EPS8L2: variants seen among roughly 807,000 people sequenced by gnomAD.
EPS8L2 encodes epidermal growth factor receptor kinase substrate 8-like protein 2.
Under a neutral mutation model 99.4 loss-of-function variants are expected in EPS8L2, and 81 were observed. The observed-to-expected ratio is 0.82, with a 90% CI of 0.68 to 0.98. The LOEUF is 0.98. Ranked by LOEUF, EPS8L2 falls within the 50% of genes least tolerant of loss-of-function variation. The pLI is 0.00. For synonymous variants in EPS8L2, 509 were observed against 407.3 expected (o/e 1.25, Z -3.01); for missense variants, 1,155 against 968.8 (o/e 1.19, Z -2.55).
intron 1 of EPS8L2, 33 bp downstream of exon 1, chr11:706,321 C>T (rs914646834): frequency 6.6e-6 from 1 of 152,090 alleles, no homozygotes; most frequent in Non-Finnish European, 1.5e-5. Context: ...AGCGCGCCCG[C>T]CCGGGCCTCA....
In EPS8L2 at chr11:720,787, G is replaced by A. The variant is rs1442850852; in HGVS notation, c.477+41G>A. The A allele has an allele frequency of 5.8e-6, 9 of 1,541,538 alleles. No homozygotes were observed. In the Admixed American group the frequency reaches 5.9e-5, roughly 10 times the overall value. On this transcript the variant is annotated intron_variant, in intron 6 of 20. Coordinates refer to ENST00000318562, the MANE Select transcript of EPS8L2 (RefSeq NM_022772.4). ...GCGGGGCAGGGTGGGGCCCCGCCGC[G>A]CCGCGCCCCGCCCTCCTGGCCGCCT...
Position 709,680 on chromosome 11 carries a change from T to C in EPS8L2, c.100+72T>C, listed in dbSNP as rs11605783. 844,226 of 1,531,108 alleles carry C rather than the reference T, an allele frequency of 0.55. 237,693 individuals are homozygous for C. Among genetic ancestry groups the C allele is most frequent in the African/African-American group, 0.87 (63,642 of 73,520 alleles). The allele number at this position is 1,531,108 out of a possible 1,614,324, so 94.8% of individuals were successfully genotyped here. A position where few individuals can be genotyped will look rare whatever the true frequency, so the allele number is the denominator to read the frequency against. On this transcript the variant is annotated intron_variant, in intron 3 of 20. Coordinates refer to ENST00000318562, the MANE Select transcript of EPS8L2 (RefSeq NM_022772.4). ...GCACTGCATCCAGGTGGGGGACAGC[T>C]GCTCCTGCCCCACAGCTGTGCCTGG... is the stretch of plus-strand genomic sequence containing the variant.
Position 726,605 on chromosome 11 carries a change from C to T in EPS8L2, c.1935-14C>T. The stretch of plus-strand genomic sequence containing the variant: ...CTCACAGCGCGGCCCTGACGCCCAA[C>T]TGCCCGCCCCCAGGATCGTGGAGAA... On this transcript the variant is annotated splice_polypyrimidine_tract_variant and intron_variant, in intron 19 of 20. Coordinates refer to ENST00000318562, the MANE Select transcript of EPS8L2 (RefSeq NM_022772.4). 1 of 1,542,898 alleles carries T rather than the reference C, an allele frequency of 6.5e-7. No individual in the cohort carries two copies. The highest frequency in any genetic ancestry group is 8.7e-7 in the Non-Finnish European group (1 of 1,143,060).
chr11:711,214 C>A (rs527712769), intron 4 of EPS8L2, among the ~76,000 whole-genome samples: 1 of 152,002 alleles, frequency 6.6e-6, no homozygotes, highest in East Asian at 1.9e-4. Context: ...ACGGAGAACT[C>A]AGGAAATGTT....
chr11:724,572 G>A lies in EPS8L2; in HGVS notation c.1455-152G>A. On this transcript the variant is annotated intron_variant, in intron 15 of 20. Transcript: ENST00000318562. This position sits in a 1 kb window ranked among gnomAD's most constrained non-coding sequence, Gnocchi z 5.5. ...GCTGTCACAGTTTCCATTCCGGGCT[G>A]ACGCTGCCTGCAGCCTCTCTCCACG... The A allele has an allele frequency of 1.6e-6, 1 of 622,560 alleles. No individual in the cohort carries two copies. The highest frequency in any genetic ancestry group is 2.7e-5 in the East Asian group (1 of 36,370). 38.6% of individuals were successfully genotyped at this position (622,560 alleles called of 1,614,324 possible).
intron 9 of EPS8L2, 75 bp from the exon 10 acceptor site, chr11:721,490 T>C: frequency 7.9e-6 from 12 of 1,510,946 alleles, no homozygotes; most frequent in Non-Finnish European, 1.1e-5. Context: ...TCCCATCATC[T>C]GTGGGGCTGT....
At chr11:707,889 C>T (rs1035076781) in intron 1 of EPS8L2, among the ~76,000 whole-genome samples, 3 of 152,124 alleles carry the variant, frequency 2.0e-5, no homozygotes, top group African/African-American at 7.2e-5. Flanking sequence ...TGGTGGAGCC[C>T]GCCAGGAATC....
At position 727,001 on chromosome 11, in the gene EPS8L2, G is replaced by T; in HGVS notation, c.*20G>T. ...AGCTAGGCCCAGCTGCCTTGGGCTGGGGCCTGCGGAGGGGAAGCCCACCCA... is the reference window on the plus strand; with the variant it reads ...AGCTAGGCCCAGCTGCCTTGGGCTGTGGCCTGCGGAGGGGAAGCCCACCCA... On this transcript the variant is annotated 3_prime_UTR_variant, in exon 21 of 21. Coordinates refer to ENST00000318562, the MANE Select transcript of EPS8L2 (RefSeq NM_022772.4). The T allele has an allele frequency of 1.9e-6, 3 of 1,583,644 alleles. No homozygotes were observed. The highest frequency in any genetic ancestry group is 2.6e-6 in the Non-Finnish European group (3 of 1,155,198).
In EPS8L2 at chr11:721,696, A is replaced by G. The variant is rs370435617; in HGVS notation, c.895+5A>G. The G allele has an allele frequency of 9.8e-5, 157 of 1,598,654 alleles. No individual in the cohort carries two copies. In the African/African-American group the frequency reaches 1.9e-3, roughly 20 times the overall value. On this transcript the variant is annotated splice_donor_5th_base_variant and intron_variant, in intron 10 of 20. Transcript: ENST00000318562. ...AGGGCAAGAAGGCGCCAGCAGGTGC[A>G]GGGGACAGGGACGGGGCCGGCAGGT...
In EPS8L2 at chr11:722,122, G is replaced by C. The variant is rs775721082; in HGVS notation, c.1016G>C (p.Ser339Thr). 6.2e-7 allele frequency: 1 copy of C among 1,612,986 alleles called. No homozygotes were observed. The highest frequency in any genetic ancestry group is 2.2e-5 in the East Asian group (1 of 44,874). ...AKLQKHIQNP[S>T]AAELVHFLFG... ...CTGCAGAAGCACATCCAGAACCCCA[G>C]CGCCGCGGAGCTCGTGCACTTCCTC... The change falls in exon 12 of 21, where the codon AGC (serine) becomes ACC (threonine). Residue 339 changes from serine to threonine, a missense_variant. Ser to Thr is a moderately conservative substitution (Grantham distance 58, BLOSUM62 1). Transcript: ENST00000318562.
At chr11:720,417 C>T (rs983729499) in intron 5 of EPS8L2, 180 bp from the exon 6 acceptor site, 35 of 1,151,710 alleles carry the variant, frequency 3.0e-5, no homozygotes, top group Non-Finnish European at 3.9e-5. Flanking sequence ...GTTTGGAAGC[C>T]GGGGTCAGCC....
In EPS8L2 at chr11:720,965, G is replaced by GGGA. The variant is rs1451027525; in HGVS notation, c.557+58_557+59insAGG. 1.0e-3 allele frequency: 1,311 copies of GGGA among 1,291,306 alleles called. 7 individuals are homozygous for GGGA. The highest frequency in any genetic ancestry group is 1.2e-3 in the Non-Finnish European group (1,166 of 949,764). The allele number at this position is 1,291,306 out of a possible 1,614,324, so 80.0% of individuals were successfully genotyped here. ...GGGCGGGGAGGGGAGGAGCCCGGCA[G>GGGA]GGGAGGGGAGGAGCCGGCAGGGGAG... On this transcript the variant is annotated intron_variant, in intron 7 of 20. Coordinates refer to ENST00000318562, the MANE Select transcript of EPS8L2 (RefSeq NM_022772.4).
intron 18 of EPS8L2, 22 bp downstream of exon 18, chr11:726,192 C>G: frequency 6.3e-7 from 1 of 1,591,200 alleles, no homozygotes; most frequent in African/African-American, 1.3e-5. Context: ...TGCTTCGAGG[C>G]GGGGGTCCCG....
In EPS8L2 at chr11:720,189, A is replaced by G; in HGVS notation, c.293A>G (p.Asp98Gly). 1 of 1,613,364 alleles carries G rather than the reference A, an allele frequency of 6.2e-7. No homozygotes were observed. Among genetic ancestry groups the G allele is most frequent in the South Asian group, 1.1e-5 (1 of 91,086 alleles). The stretch of plus-strand genomic sequence containing the variant: ...CAGGAGATGCTGCTGCAGGTGAACG[A>G]CCAGTCGCTGCGGCTGCTGGACATC... Reference protein sequence around the residue: ...WTQEMLLQVNDQSLRLLDIES... With the variant: ...WTQEMLLQVNGQSLRLLDIES... The change falls in exon 5 of 21, where the codon GAC (aspartate) becomes GGC (glycine). Residue 98 changes from aspartate to glycine, a missense_variant. Physicochemically the swap from Asp to Gly is moderately conservative, Grantham distance 94. Transcript: ENST00000318562.
At position 722,730 on chromosome 11, in the gene EPS8L2, C is replaced by T. The variant is rs370566231; in HGVS notation, c.1266C>T (p.Gly422=). Residue 422 remains glycine, a synonymous_variant, in exon 14 of 21, where the codon GGC becomes GGT. Transcript: ENST00000318562. ...TCTACGTGCCCAAGTTCCACAGCGG[C>T]TGGGAGCCTCCTGTGGATGTGCTGC... ...VPLYVPKFHS[G]WEPPVDVLQE... 3.1e-6 allele frequency: 5 copies of T among 1,607,398 alleles called. No individual in the cohort carries two copies. Among genetic ancestry groups the T allele is most frequent in the East Asian group, 4.5e-5 (2 of 44,640 alleles).
At chr11:716,864 C>A (rs1862039385) in intron 4 of EPS8L2, among the ~76,000 whole-genome samples, 1 of 152,194 alleles carries the variant, frequency 6.6e-6, no homozygotes. Context: ...TTCTGTGGCC[C>A]AGCAGCCTGG....
chr11:709,695 G>T (rs1861833969), intron 3 of EPS8L2, 87 bp downstream of exon 3: 1 of 1,464,514 alleles, frequency 6.8e-7, no homozygotes, highest in East Asian at 2.4e-5. Flanking sequence ...CTGCCCCACA[G>T]CTGTGCCTGG....
intron 1 of EPS8L2, chr11:708,953 C>T (rs1394181520): frequency 7.1e-6 from 1 of 140,062 alleles, no homozygotes. Context: ...CACCGCACCC[C>T]CCTCCCCCCA....
intron 4 of EPS8L2, among the ~76,000 whole-genome samples, chr11:715,200 C>A (rs1401353989): frequency 6.6e-6 from 1 of 151,844 alleles, no homozygotes; most frequent in Admixed American, 6.6e-5. Flanking sequence ...TGAGATTGCG[C>A]CACTGCACTC....
Sources: gnomAD v4.1 joint callset for allele counts (sites outside exome capture counted in the v4.1 genomes callset) on GRCh38, gnomAD v4.1.1 for gene constraint, Gnocchi (gnomAD v3.1) non-coding constraint, MANE v1.5 for transcripts, NCBI Gene and HGNC (gene_info 2026-07-23, HGNC 2026-07-21) for gene names.